SAXO4: variants seen among roughly 807,000 people sequenced by gnomAD.
SAXO4 encodes the protein protein phosphatase 1 regulatory subunit 32.
At chr11:61,482,854 TG>T in the SAXO4 span, 1 of 1,540,946 alleles carries the variant, frequency 6.5e-7, no homozygotes, top group African/African-American at 1.4e-5. Context: ...CAGGGTGGGG[TG>T]GGGCTAGGGC....
the SAXO4 span, among the ~76,000 whole-genome samples, chr11:61,488,538 T>A: frequency 1.3e-5 from 2 of 152,128 alleles, no homozygotes; most frequent in Non-Finnish European, 2.9e-5. Context: ...TCTCCTGACC[T>A]CGTGATCTGC....
the SAXO4 span, chr11:61,482,326 A>G: frequency 1.2e-4 from 193 of 1,613,970 alleles, 1 homozygote; most frequent in Non-Finnish European, 1.5e-4. Flanking sequence ...GAGGATTTCA[A>G]GCCCCGTGTG....
chr11:61,486,430 G>A, the SAXO4 span: 3 of 1,613,908 alleles, frequency 1.9e-6, no homozygotes, highest in Admixed American at 5.0e-5. Flanking sequence ...GGAGGCTGGG[G>A]ACCGCCTGGC....
chr11:61,488,882 G>C, the SAXO4 span: 1 of 152,358 alleles, frequency 6.6e-6, no homozygotes, highest in African/African-American at 2.4e-5. Context: ...AGCGAGAGCT[G>C]TTAGGTAATG....
chr11:61,482,590 AG>A, the SAXO4 span: 1 of 1,610,158 alleles, frequency 6.2e-7, no homozygotes, highest in Non-Finnish European at 8.5e-7. Flanking sequence ...TGCAGGGAGG[AG>A]GGAAGCTCCT....
At chr11:61,484,812 G>C in the SAXO4 span, 3 of 1,587,248 alleles carry the variant, frequency 1.9e-6, no homozygotes, top group African/African-American at 4.0e-5. Flanking sequence ...GAGAACTTCC[G>C]ACATGTGAGT....
chr11:61,481,726 T>C, the SAXO4 span: 2 of 713,450 alleles, frequency 2.8e-6, no homozygotes, highest in Non-Finnish European at 4.4e-6. Flanking sequence ...TCTTCGCCCC[T>C]GTGGGCTTCC....
chr11:61,486,952 C>T, the SAXO4 span: 1 of 1,613,870 alleles, frequency 6.2e-7, no homozygotes, highest in Non-Finnish European at 8.5e-7. Flanking sequence ...CTGCAGGTGC[C>T]CCCTCCCTGC....
At chr11:61,486,480 A>C in the SAXO4 span, 2 of 1,611,250 alleles carry the variant, frequency 1.2e-6, no homozygotes. Context: ...GTGGTGGGGG[A>C]GGCAGCCACA....
the SAXO4 span, among the ~76,000 whole-genome samples, chr11:61,484,184 A>C: frequency 1.3e-5 from 2 of 152,226 alleles, no homozygotes; most frequent in Non-Finnish European, 1.5e-5. Context: ...TGGAGTTTGC[A>C]GGAAGCTGAG....
chr11:61,486,416 A>AG, the SAXO4 span: 2 of 1,614,018 alleles, frequency 1.2e-6, no homozygotes, highest in South Asian at 1.1e-5. Flanking sequence ...AAGCTGAGCT[A>AG]GGGGGAGGCT....
chr11:61,483,334 T>C, the SAXO4 span, among the ~76,000 whole-genome samples: 2 of 151,776 alleles, frequency 1.3e-5, no homozygotes, highest in Admixed American at 6.6e-5. Flanking sequence ...ACCCGGCTAA[T>C]ATTTTGTATT....
the SAXO4 span, chr11:61,485,292 G>T: frequency 6.4e-7 from 1 of 1,574,062 alleles, no homozygotes; most frequent in Non-Finnish European, 8.7e-7. Flanking sequence ...CGCCTTCGGG[G>T]CCCTGGTGGG....
chr11:61,487,163 C>T, the SAXO4 span: 1 of 1,614,026 alleles, frequency 6.2e-7, no homozygotes, highest in South Asian at 1.1e-5. Context: ...CAGGGTTCAG[C>T]CTTAACAACC....
the SAXO4 span, among the ~76,000 whole-genome samples, chr11:61,487,699 A>G: frequency 6.6e-6 from 1 of 152,222 alleles, no homozygotes; most frequent in Admixed American, 6.5e-5. Flanking sequence ...GATGCAGGGC[A>G]TTGGTGGCCA....
chr11:61,486,618 G>A, the SAXO4 span: 1 of 1,613,528 alleles, frequency 6.2e-7, no homozygotes, highest in Admixed American at 1.7e-5. Context: ...AGAGTGAGTG[G>A]CCTTGGCGTC....
At chr11:61,486,899 C>G in the SAXO4 span, 1 of 1,514,222 alleles carries the variant, frequency 6.6e-7, no homozygotes, top group African/African-American at 1.4e-5. Context: ...TCCCTGCTGC[C>G]TCAGGCTGGC....
chr11:61,485,945 G>C, the SAXO4 span: 1 of 1,448,096 alleles, frequency 6.9e-7, no homozygotes, highest in East Asian at 2.3e-5. Flanking sequence ...GAACTTTAGG[G>C]GGCTTGAAGC....
At chr11:61,487,475 C>T in the SAXO4 span, among the ~76,000 whole-genome samples, 2 of 152,120 alleles carry the variant, frequency 1.3e-5, no homozygotes, top group Non-Finnish European at 2.9e-5. Flanking sequence ...GAGCATGTTA[C>T]TAGGCCAGCT....
Sources: gnomAD v4.1 joint callset for allele counts (sites outside exome capture counted in the v4.1 genomes callset) on GRCh38, gnomAD v4.1.1 for gene constraint, MANE v1.5 for transcripts, NCBI Gene and HGNC (gene_info 2026-07-23, HGNC 2026-07-21) for gene names.